The following ANKRD36 variants were observed in gnomAD, a reference collection of about 807,000 sequenced individuals.
The protein encoded by ANKRD36 is ankyrin repeat domain-containing protein 36A.
ANKRD36 carries 179 observed loss-of-function variants against 278.1 expected under a neutral mutation model. The observed-to-expected ratio is 0.64, with a 90% CI of 0.57 to 0.73. The LOEUF (loss-of-function observed/expected upper bound fraction) is 0.73, where lower values mean the gene tolerates loss of function less well. ANKRD36 is among the 30% of genes least tolerant of loss of function. The pLI, the probability that ANKRD36 is intolerant of heterozygous loss-of-function variation, is 0.00. For missense variants in ANKRD36, 1,159 were observed against 1,956.7 expected (o/e 0.59, Z 7.69); for synonymous variants, 320 against 641.1 (o/e 0.50, Z 7.57).
intron 44 of ANKRD36, among the ~76,000 whole-genome samples, chr2:97,199,699 G>A (rs1278477164): frequency 1.3e-5 from 2 of 151,894 alleles, no homozygotes; most frequent in Non-Finnish European, 2.9e-5. Flanking sequence ...GAAACTTTCG[G>A]AAGGGTAAAC....
At chr2:97,149,184 G>A in intron 11 of ANKRD36, 111 bp from the exon 12 acceptor site, 1 of 832,102 alleles carries the variant, frequency 1.2e-6, no homozygotes, top group Non-Finnish European at 1.9e-6. Flanking sequence ...AGTTTCCTCA[G>A]ACTTTGTTTT....
At chr2:97,125,046 G>A (rs1228725476) in intron 5 of ANKRD36, among the ~76,000 whole-genome samples, 1 of 151,638 alleles carries the variant, frequency 6.6e-6, no homozygotes, top group African/African-American at 2.4e-5. Flanking sequence ...AACCTAAGGG[G>A]TTCCCTAAGT....
Position 97,211,667 on chromosome 2 carries a change from A to C in ANKRD36, c.3397-2A>C, listed in dbSNP as rs1347916950. On this transcript the variant is annotated splice_acceptor_variant, in intron 57 of 75. Transcript: ENST00000420699. LOFTEE classifies it high-confidence loss of function. The stretch of plus-strand genomic sequence containing the variant: ...GACTGTTTTGTTTCAAATTCTATTC[A>C]GGCTATCTGTGACAAGGAAGATTCT... 1 of 1,593,308 alleles carries C rather than the reference A, an allele frequency of 6.3e-7. No individual in the cohort carries two copies. Among genetic ancestry groups the C allele is most frequent in the South Asian group, 1.1e-5 (1 of 87,754 alleles).
At chr2:97,176,507 G>A (rs1028330100) in intron 22 of ANKRD36, among the ~76,000 whole-genome samples, 1 of 146,954 alleles carries the variant, frequency 6.8e-6, no homozygotes, top group African/African-American at 2.5e-5. Flanking sequence ...TTTATTTTGA[G>A]TCTATGTGTG....
chr2:97,179,985 C>G lies in ANKRD36; in HGVS notation c.1735+52C>G, dbSNP rs1373794249. On this transcript the variant is annotated intron_variant, in intron 24 of 75. Coordinates refer to ENST00000420699, the MANE Select transcript of ANKRD36 (RefSeq NM_001354587.1). ...CATGTTCAATCAAGATGGAAGAGAA[C>G]TTCCCTTACCCAAATAAATCAGTGG... 27 of 1,598,638 alleles carry G rather than the reference C, an allele frequency of 1.7e-5. No individual in the cohort carries two copies. The East Asian group carries it at 6.0e-4, about 36-fold the overall frequency.
chr2:97,137,419 G>A (rs1321047881), intron 6 of ANKRD36, among the ~76,000 whole-genome samples: 1 of 151,764 alleles, frequency 6.6e-6, no homozygotes, highest in Non-Finnish European at 1.5e-5. Context: ...CCAAAATGCT[G>A]AGATCACAGA....
Position 97,146,573 on chromosome 2 carries a change from G to A in ANKRD36, c.1034+57G>A, listed in dbSNP as rs539154061. 1.1e-5 allele frequency: 16 copies of A among 1,409,080 alleles called. No homozygotes were observed. In the African/African-American group the frequency reaches 2.0e-4, roughly 18 times the overall value. The allele number at this position is 1,409,080 out of a possible 1,614,324, so 87.3% of individuals were successfully genotyped here. On this transcript the variant is annotated intron_variant, in intron 11 of 75. Coordinates refer to ENST00000420699, the MANE Select transcript of ANKRD36 (RefSeq NM_001354587.1). ...GTTAACTTAGTTAATAGAGAGAATA[G>A]AAACTAGTATCCATTTAGTGTTCTC...
chr2:97,231,137 G>T lies in ANKRD36; in HGVS notation c.3952-2593G>T, dbSNP rs547381476. ...CAGTCTGCCCATTCTCAGATCTCCAGCTGCATGCTGGGAGAACCACTGCTG... is the reference window on the plus strand; with the variant it reads ...CAGTCTGCCCATTCTCAGATCTCCATCTGCATGCTGGGAGAACCACTGCTG... On this transcript the variant is annotated intron_variant, in intron 67 of 75. Coordinates refer to ENST00000420699, the MANE Select transcript of ANKRD36 (RefSeq NM_001354587.1). Among the ~76,000 whole-genome samples the T allele has an allele frequency of 2.0e-4, 31 of 152,220 alleles. No individual in the cohort carries two copies. In the South Asian group the frequency reaches 6.1e-3, roughly 30 times the overall value.
At chr2:97,222,306 T>C (rs1284403992) in intron 66 of ANKRD36, among the ~76,000 whole-genome samples, 1 of 152,178 alleles carries the variant, frequency 6.6e-6, no homozygotes, top group East Asian at 2.0e-4. Flanking sequence ...TTTTTTCCAA[T>C]TCTGTGAAGA....
At chr2:97,218,179 T>C (rs1354068691) in intron 64 of ANKRD36, among the ~76,000 whole-genome samples, 1 of 150,032 alleles carries the variant, frequency 6.7e-6, no homozygotes, top group Non-Finnish European at 1.5e-5. Context: ...AAATTCTTTA[T>C]AGTAAAGTGA....
intron 18 of ANKRD36, 95 bp from the exon 19 acceptor site, chr2:97,164,188 C>T (rs75624299): frequency 1.4e-6 from 2 of 1,402,746 alleles, no homozygotes; most frequent in Non-Finnish European, 1.9e-6. Context: ...CAAGGGCAAG[C>T]ACGAAGATTT....
At chr2:97,206,172 G>C (rs770955159) in intron 52 of ANKRD36, 37 bp downstream of exon 52, 33 of 1,496,378 alleles carry the variant, frequency 2.2e-5, no homozygotes, top group Admixed American at 1.7e-4. Context: ...ATGTTCAGTC[G>C]AGATAGATAA....
chr2:97,134,434 C>G lies in ANKRD36; in HGVS notation c.799+7300C>G, dbSNP rs543438446. ...GACTAGCAGTGGAAAGGGACAATCT[C>G]AAGACGTTGTACTTTATAAAACGAG... is the stretch of plus-strand genomic sequence containing the variant. On this transcript the variant is annotated intron_variant, in intron 6 of 75. Coordinates refer to ENST00000420699, the MANE Select transcript of ANKRD36 (RefSeq NM_001354587.1). Among the ~76,000 whole-genome samples, 3 of 152,204 alleles carry G rather than the reference C, an allele frequency of 2.0e-5. No individual in the cohort carries two copies. The East Asian group carries it at 5.8e-4, about 29-fold the overall frequency.
intron 22 of ANKRD36, among the ~76,000 whole-genome samples, chr2:97,174,073 G>A (rs1413458787): frequency 6.6e-6 from 1 of 150,744 alleles, no homozygotes; most frequent in Non-Finnish European, 1.5e-5. Flanking sequence ...CATATTGGTT[G>A]GTTATTTATA....
chr2:97,227,669 A>G (rs1276424235), intron 67 of ANKRD36, among the ~76,000 whole-genome samples: 1 of 152,122 alleles, frequency 6.6e-6, no homozygotes, highest in Non-Finnish European at 1.5e-5. Flanking sequence ...TATGTTGAAT[A>G]GGAGTGGTGA....
intron 30 of ANKRD36, among the ~76,000 whole-genome samples, chr2:97,186,664 A>C (rs2057464582): frequency 6.6e-6 from 1 of 151,894 alleles, no homozygotes; most frequent in Non-Finnish European, 1.5e-5. Context: ...CATATATCCA[A>C]GCTGATCAAT....
intron 66 of ANKRD36, among the ~76,000 whole-genome samples, chr2:97,222,830 A>G (rs1302340516): frequency 1.3e-5 from 2 of 152,108 alleles, no homozygotes; most frequent in African/African-American, 2.4e-5. Context: ...ATTTATTTGA[A>G]CTAAGAAACT....
rs13431743 is a variant in ANKRD36 at position 97,198,448 on chromosome 2, C to T, written c.2654-15C>T. 0.016 allele frequency: 25,581 copies of T among 1,560,444 alleles called. No homozygotes were observed. The highest frequency in any genetic ancestry group is 0.14 in the African/African-American group (9,902 of 70,538). On this transcript the variant is annotated splice_polypyrimidine_tract_variant and intron_variant, in intron 42 of 75. Transcript: ENST00000420699. The stretch of plus-strand genomic sequence containing the variant: ...TTTTACATATGAGTGATTATGAATC[C>T]CTTTTACTTTTCAGTGTCTTCTGAG...
intron 62 of ANKRD36, 152 bp downstream of exon 62, chr2:97,215,649 G>A: frequency 6.5e-7 from 1 of 1,544,990 alleles, no homozygotes; most frequent in African/African-American, 1.4e-5. Context: ...AGGTGACCCT[G>A]ATGGTGCTGG....
Sources: allele counts gnomAD v4.1 joint callset (sites outside exome capture counted in the v4.1 genomes callset), GRCh38; gene constraint gnomAD v4.1.1; transcripts MANE v1.5; gene names NCBI Gene and HGNC (gene_info 2026-07-23, HGNC 2026-07-21).